Variants in MAP2K1 observed in about 807,000 individuals in gnomAD.
The protein encoded by MAP2K1 is mitogen-activated protein kinase kinase 1.
Under a neutral mutation model 46.3 loss-of-function variants are expected in MAP2K1, and 16 were observed. The observed-to-expected ratio is 0.35, with a 90% CI of 0.23 to 0.52. The LOEUF is 0.52. Ranked by LOEUF, MAP2K1 falls within the 20% of genes least tolerant of loss-of-function variation. The pLI, the probability that MAP2K1 is intolerant of heterozygous loss-of-function variation, is 0.94. For synonymous variants in MAP2K1, 183 were observed against 185.6 expected (o/e 0.99, Z 0.11); for missense variants, 263 against 497.1 (o/e 0.53, Z 4.48).
rs983600334 is a variant in MAP2K1, at chr15:66,475,043, C to CT, written c.569-6704dup. Among the ~76,000 whole-genome samples, 6 of 151,930 alleles carry CT rather than the reference C, an allele frequency of 3.9e-5. No individual in the cohort carries two copies. The East Asian group carries it at 5.8e-4, about 15-fold the overall frequency. ...ACCTAGTCTCTCAGCTGCATCCTGGCTTTTTTTTCCCAATGCTCTTGGGGA... is the reference window on the plus strand; with the variant it reads ...ACCTAGTCTCTCAGCTGCATCCTGGCTTTTTTTTTCCCAATGCTCTTGGGGA... On this transcript the variant is annotated intron_variant, in intron 5 of 10. Transcript: ENST00000307102.
intron 5 of MAP2K1, chr15:66,453,387 G>A (rs1595870401): frequency 1.5e-6 from 1 of 669,176 alleles, no homozygotes; most frequent in East Asian, 2.7e-5. Context: ...AGAAAGGGAA[G>A]TCACTAGAAG....
Position 66,453,608 on chromosome 15 carries a change from C to T in MAP2K1, c.568+8901C>T. On this transcript the variant is annotated intron_variant, in intron 5 of 10. Coordinates refer to ENST00000307102, the MANE Select transcript of MAP2K1 (RefSeq NM_002755.4). The stretch of plus-strand genomic sequence containing the variant: ...ATGAGAGAGAGCAGTCTCCTTGTCC[C>T]TGCCTATGGGCTTCCTCATGGCCAG... The T allele has an allele frequency of 1.0e-5, 7 of 701,860 alleles. No individual in the cohort carries two copies. In the South Asian group the frequency reaches 1.0e-4, roughly 10 times the overall value. The allele number at this position is 701,860 out of a possible 1,614,324, so 43.5% of individuals were successfully genotyped here.
chr15:66,453,575 A>T (rs1170408471), intron 5 of MAP2K1: 1 of 702,224 alleles, frequency 1.4e-6, no homozygotes, highest in East Asian at 2.7e-5. Flanking sequence ...ACCTGAGTTC[A>T]GGTGAAAATG....
At chr15:66,409,068 G>A (rs1298667760) in intron 1 of MAP2K1, among the ~76,000 whole-genome samples, 2 of 152,146 alleles carry the variant, frequency 1.3e-5, no homozygotes, top group Non-Finnish European at 2.9e-5. Context: ...AGTGTTGTTG[G>A]TAACCGTAGC....
chr15:66,460,243 C>T (rs979417340), intron 5 of MAP2K1, among the ~76,000 whole-genome samples: 1 of 152,136 alleles, frequency 6.6e-6, no homozygotes, highest in Non-Finnish European at 1.5e-5. Context: ...ATGTGAGTCT[C>T]GTTTTATCTA....
chr15:66,427,260 TAAAA>T (rs1029411649), intron 1 of MAP2K1, among the ~76,000 whole-genome samples: 34 of 152,272 alleles, frequency 2.2e-4, no homozygotes, highest in South Asian at 8.3e-4. Flanking sequence ...TCTAATTAGT[TAAAA>T]AGAATAACAT....
At chr15:66,466,651 GC>G (rs1366207293) in intron 5 of MAP2K1, among the ~76,000 whole-genome samples, 30 of 152,200 alleles carry the variant, frequency 2.0e-4, no homozygotes, top group African/African-American at 7.2e-4. Flanking sequence ...CTGCACTCCA[GC>G]CTGGGCAACA....
intron 8 of MAP2K1, 32 bp from the exon 9 acceptor site, chr15:66,489,183 G>A (rs1893154037): frequency 6.3e-7 from 1 of 1,584,066 alleles, no homozygotes; most frequent in African/African-American, 1.3e-5. Context: ...CAAGGAGCCA[G>A]GCATTTTTCT....
chr15:66,469,111 C>T (rs1892544074), intron 5 of MAP2K1, among the ~76,000 whole-genome samples: 1 of 151,550 alleles, frequency 6.6e-6, no homozygotes, highest in Non-Finnish European at 1.5e-5. Context: ...CAAAAATTAG[C>T]AAGGCATGGT....
Position 66,435,253 on chromosome 15 carries a change from T to TC in MAP2K1, c.291+16_291+17insC, listed in dbSNP as rs775406438. On this transcript the variant is annotated intron_variant, in intron 2 of 10. Transcript: ENST00000307102. ...GGCCAGAAAGGTGAGTTTGCCTTGA[T>TC]TAACAGGTAATTGGATTATTTCTCA... 330 of 1,607,540 alleles carry TC rather than the reference T, an allele frequency of 2.1e-4. 1 individual carries two copies. The highest frequency in any genetic ancestry group is 3.4e-5 in the Non-Finnish European group (40 of 1,174,034).
intron 8 of MAP2K1, among the ~76,000 whole-genome samples, chr15:66,487,701 T>C (rs374464031): frequency 1.3e-5 from 2 of 152,186 alleles, no homozygotes; most frequent in East Asian, 1.9e-4. Flanking sequence ...CTAAGCACCA[T>C]GGGCTGTAGA....
chr15:66,421,971 T>C (rs1238779786), intron 1 of MAP2K1, among the ~76,000 whole-genome samples: 1 of 151,522 alleles, frequency 6.6e-6, no homozygotes, highest in Non-Finnish European at 1.5e-5. Flanking sequence ...TAGCATATCC[T>C]CAACTACACA....
chr15:66,444,180 G>A (rs1279184835), intron 4 of MAP2K1, among the ~76,000 whole-genome samples: 1 of 151,342 alleles, frequency 6.6e-6, no homozygotes, highest in Non-Finnish European at 1.5e-5. Context: ...GGTGGTTGTG[G>A]TGAGCTGAGA....
intron 3 of MAP2K1, among the ~76,000 whole-genome samples, chr15:66,439,992 G>A (rs559167805): frequency 6.6e-6 from 1 of 151,218 alleles, no homozygotes; most frequent in African/African-American, 2.4e-5. Flanking sequence ...GTGTACACTC[G>A]TACACCCACC....
intron 1 of MAP2K1, among the ~76,000 whole-genome samples, chr15:66,405,620 C>T (rs1354364722): frequency 1.3e-5 from 2 of 152,034 alleles, no homozygotes; most frequent in Non-Finnish European, 1.5e-5. Flanking sequence ...TTTCCCATGC[C>T]CCACATTCTT....
intron 5 of MAP2K1, among the ~76,000 whole-genome samples, chr15:66,465,083 G>A (rs541864421): frequency 6.6e-6 from 1 of 151,758 alleles, no homozygotes; most frequent in Admixed American, 6.6e-5. Context: ...AAATTAGCCG[G>A]GCATGGTGGC....
At chr15:66,483,627 A>C (rs762859830) in intron 6 of MAP2K1, among the ~76,000 whole-genome samples, 23 of 152,240 alleles carry the variant, frequency 1.5e-4, no homozygotes, top group African/African-American at 3.1e-4. Context: ...GTGCTATTTC[A>C]AATAATGCTC....
chr15:66,403,338 C>G (rs1377452057), intron 1 of MAP2K1, among the ~76,000 whole-genome samples: 1 of 152,048 alleles, frequency 6.6e-6, no homozygotes, highest in African/African-American at 2.4e-5. Context: ...TCCTCACTCT[C>G]CTAGGTGGTT....
intron 3 of MAP2K1, among the ~76,000 whole-genome samples, chr15:66,442,280 A>G (rs763359711): frequency 1.3e-5 from 2 of 152,188 alleles, no homozygotes; most frequent in Non-Finnish European, 2.9e-5. Context: ...GGTTCTGGTC[A>G]CAGCCGGCCA....
Sources: gnomAD v4.1 joint callset for allele counts (sites outside exome capture counted in the v4.1 genomes callset) on GRCh38, gnomAD v4.1.1 for gene constraint, MANE v1.5 for transcripts, NCBI Gene and HGNC (gene_info 2026-07-23, HGNC 2026-07-21) for gene names.